Variants in ERBB4 observed in about 807,000 individuals in gnomAD.
ERBB4 encodes the protein receptor tyrosine-protein kinase erbB-4.
Under a neutral mutation model 158.0 loss-of-function variants are expected in ERBB4, and 42 were observed. The ratio of observed to expected loss-of-function variants is 0.27; its 90% CI spans 0.21 to 0.34. The LOEUF (loss-of-function observed/expected upper bound fraction) is 0.34. ERBB4 is among the 10% of genes least tolerant of loss of function. The probability of loss-of-function intolerance (pLI) is 1.00; values close to 1 mark genes in which losing one functional copy is unlikely to be tolerated. For missense variants in ERBB4, 1,333 were observed against 1,624.1 expected (o/e 0.82, Z 3.08); for synonymous variants, 583 against 558.7 (o/e 1.04, Z -0.61).
intron 1 of ERBB4, among the ~76,000 whole-genome samples, chr2:212,264,709 T>C (rs2085067211): frequency 6.6e-6 from 1 of 152,164 alleles, no homozygotes; most frequent in African/African-American, 2.4e-5. Flanking sequence ...TCATATTTTA[T>C]TTTATGTCTA....
intron 1 of ERBB4, among the ~76,000 whole-genome samples, chr2:212,174,550 T>C (rs1020388746): frequency 5.3e-5 from 8 of 152,120 alleles, no homozygotes; most frequent in African/African-American, 1.7e-4. Context: ...CCTTCTAGGA[T>C]GATTCCTCTT....
chr2:211,593,481 G>A (rs10932387), intron 19 of ERBB4, among the ~76,000 whole-genome samples: 117,090 of 152,036 alleles, frequency 0.77, 47,276 homozygotes, highest in Non-Finnish European at 0.88. Flanking sequence ...AAAACAATGA[G>A]CTCAAGTTGT....
At chr2:212,248,838 C>G (rs2084410244) in intron 1 of ERBB4, among the ~76,000 whole-genome samples, 1 of 151,978 alleles carries the variant, frequency 6.6e-6, no homozygotes, top group Admixed American at 6.6e-5. Context: ...TAGTAAACAT[C>G]CTTAGATGAC....
chr2:211,931,725 T>C (rs2080182502), intron 3 of ERBB4, among the ~76,000 whole-genome samples: 1 of 152,106 alleles, frequency 6.6e-6, no homozygotes, highest in Admixed American at 6.6e-5. Flanking sequence ...ATACGAATCT[T>C]CTGGTTGCTA....
chr2:212,526,918 A>G (rs1692479241), intron 1 of ERBB4, among the ~76,000 whole-genome samples: 1 of 152,108 alleles, frequency 6.6e-6, no homozygotes, highest in Admixed American at 6.6e-5. Context: ...GGAACTAAAA[A>G]TTAGGAATAA....
intron 19 of ERBB4, among the ~76,000 whole-genome samples, chr2:211,594,253 A>G (rs1485693834): frequency 6.6e-6 from 1 of 152,126 alleles, no homozygotes; most frequent in Non-Finnish European, 1.5e-5. Flanking sequence ...CCTGGGCAAC[A>G]CGGTGAAACC....
In ERBB4 at chr2:212,301,501, G is replaced by T. The variant is rs570147996; in HGVS notation, c.83-176598C>A. On this transcript the variant is annotated intron_variant, in intron 1 of 27. Transcript: ENST00000342788. ...TGTTATATCATGTGACTCTGAAATA[G>T]TTTATTCAATCAACTGATATTAATT... 3.3e-5 allele frequency among the ~76,000 whole-genome samples: 5 copies of T among 151,472 alleles called. No individual in the cohort carries two copies. The South Asian group carries it at 1.0e-3, about 31-fold the overall frequency.
At chr2:211,691,600 G>GTATA (rs1205841508) in intron 12 of ERBB4, among the ~76,000 whole-genome samples, 6 of 143,668 alleles carry the variant, frequency 4.2e-5, no homozygotes, top group African/African-American at 1.5e-4. Flanking sequence ...GTGTGTGTGT[G>GTATA]TGTATATATA....
chr2:212,333,392 T>TA (rs2088274848), intron 1 of ERBB4, among the ~76,000 whole-genome samples: 2 of 151,190 alleles, frequency 1.3e-5, no homozygotes, highest in Non-Finnish European at 3.0e-5. Flanking sequence ...TATATATATA[T>TA]TTCAGGCTGG....
chr2:211,988,803 T>A, intron 2 of ERBB4, among the ~76,000 whole-genome samples: 1 of 152,082 alleles, frequency 6.6e-6, no homozygotes, highest in East Asian at 1.9e-4. Flanking sequence ...CTTTGCATGT[T>A]TTCCAACCCC....
At chr2:212,390,863 T>C (rs894048550) in intron 1 of ERBB4, among the ~76,000 whole-genome samples, 7 of 151,870 alleles carry the variant, frequency 4.6e-5, no homozygotes, top group Non-Finnish European at 7.4e-5. Context: ...GGTCTTACTT[T>C]ATATATAGCA....
intron 2 of ERBB4, among the ~76,000 whole-genome samples, chr2:212,048,682 A>AG (rs2077320826): frequency 6.6e-6 from 1 of 152,160 alleles, no homozygotes; most frequent in Non-Finnish European, 1.5e-5. Context: ...TGAGATCCAT[A>AG]TTCTACATCA....
intron 3 of ERBB4, among the ~76,000 whole-genome samples, chr2:211,875,025 C>CAAAAAAAAAAAAAA (rs746636278): frequency 1.9e-4 from 5 of 27,010 alleles, no homozygotes; most frequent in African/African-American, 4.4e-4. Flanking sequence ...AATAGAAATG[C>CAAAAAAAAAAAAAA]AAAAAAAAAA....
rs113971142 is a variant in ERBB4, at chr2:212,388,460, C to T, written c.82+149989G>A. On this transcript the variant is annotated intron_variant, in intron 1 of 27. Transcript: ENST00000342788. Reference sequence around the variant, plus strand: ...CAGGCTGAATGCCTCAAGAATGGTTCTATTCTTCTCAGAGTTCTTCGTGCT... The same window carrying T: ...CAGGCTGAATGCCTCAAGAATGGTTTTATTCTTCTCAGAGTTCTTCGTGCT... 9.2e-3 allele frequency among the ~76,000 whole-genome samples: 1,397 copies of T among 152,164 alleles called. 24 individuals are homozygous for T. The highest frequency in any genetic ancestry group is 0.032 in the African/African-American group (1,321 of 41,544).
rs564386376 is a variant in ERBB4 at position 212,170,638 on chromosome 2, T to G, written c.83-45735A>C. On this transcript the variant is annotated intron_variant, in intron 1 of 27. Coordinates refer to ENST00000342788, the MANE Select transcript of ERBB4 (RefSeq NM_005235.3). Reference sequence around the variant, plus strand: ...TGCAGTTTTGGGACTTGGGTGCCTGTCTTGGGACTTGGTGCCCTGTGTCCC... The same window carrying G: ...TGCAGTTTTGGGACTTGGGTGCCTGGCTTGGGACTTGGTGCCCTGTGTCCC... 3.9e-5 allele frequency among the ~76,000 whole-genome samples: 6 copies of G among 152,248 alleles called. No individual in the cohort carries two copies. In the East Asian group the frequency reaches 9.7e-4, roughly 25 times the overall value.
At chr2:212,491,886 A>G (rs1690296670) in intron 1 of ERBB4, among the ~76,000 whole-genome samples, 1 of 151,518 alleles carries the variant, frequency 6.6e-6, no homozygotes. Context: ...GCTGGTCTCC[A>G]TTTCACAATG....
At chr2:212,430,207 G>A (rs1482615995) in intron 1 of ERBB4, among the ~76,000 whole-genome samples, 3 of 152,100 alleles carry the variant, frequency 2.0e-5, no homozygotes, top group Non-Finnish European at 4.4e-5. Context: ...TACATACGAT[G>A]TGCTTTATTT....
chr2:212,283,702 C>T (rs2085846800), intron 1 of ERBB4, among the ~76,000 whole-genome samples: 2 of 151,834 alleles, frequency 1.3e-5, no homozygotes, highest in South Asian at 2.1e-4. Flanking sequence ...GCATACAGAT[C>T]CTGATTTATT....
At chr2:212,423,539 T>C (rs1036602366) in intron 1 of ERBB4, among the ~76,000 whole-genome samples, 7 of 152,192 alleles carry the variant, frequency 4.6e-5, no homozygotes, top group Admixed American at 1.3e-4. Context: ...ATGACACACA[T>C]GTGCCTTATT....
Sources: allele counts gnomAD v4.1 joint callset (sites outside exome capture counted in the v4.1 genomes callset), GRCh38; gene constraint gnomAD v4.1.1; transcripts MANE v1.5; gene names NCBI Gene and HGNC (gene_info 2026-07-23, HGNC 2026-07-21).